The following MOG variants were observed in gnomAD, a reference collection of about 807,000 sequenced individuals.
MOG encodes myelin oligodendrocyte glycoprotein, also known as myelin-oligodendrocyte glycoprotein.
MOG carries 20 observed loss-of-function variants against 35.9 expected under a neutral mutation model. That is an observed-to-expected ratio of 0.56 (90% CI 0.39 to 0.81). The LOEUF is 0.81. MOG is among the 30% of genes least tolerant of loss of function. MOG has a pLI of 0.00. For synonymous variants in MOG, 92 were observed against 114.3 expected (o/e 0.80, Z 1.25); for missense variants, 251 against 301.0 (o/e 0.83, Z 1.23).
intron 7 of MOG, 146 bp from the exon 8 acceptor site, chr6:29,671,026 C>T: frequency 6.2e-7 from 1 of 1,611,950 alleles, no homozygotes; most frequent in East Asian, 2.2e-5. Flanking sequence ...TCCACAGCAA[C>T]TGCCCAGTGC....
At position 29,670,191 on chromosome 6, in the gene MOG, G is replaced by T; in HGVS notation, c.593-90G>T. The T allele has an allele frequency of 6.2e-7, 1 of 1,613,606 alleles. No individual in the cohort carries two copies. The highest frequency in any genetic ancestry group is 1.1e-5 in the South Asian group (1 of 91,064). ...GTCCCCAGAGTCCTTTGGTGTTCTA[G>T]GACCCCAGGTTAAGGAACCAAAAAA... is the stretch of plus-strand genomic sequence containing the variant. On this transcript the variant is annotated intron_variant, in intron 5 of 7. Transcript: ENST00000376917. The surrounding 1 kb of genome is among the most constrained non-coding windows in gnomAD (Gnocchi z 4.2).
At chr6:29,667,121 A>T (rs1228929616) in intron 3 of MOG, among the ~76,000 whole-genome samples, 1 of 152,192 alleles carries the variant, frequency 6.6e-6, no homozygotes, top group Non-Finnish European at 1.5e-5. Context: ...TCAGGTACTG[A>T]ACTCTATAGC....
In MOG at chr6:29,672,289, AAAATAAATAAATAAATAAATAAAT is replaced by A. The variant is rs200245124; in HGVS notation, c.*1128_*1151del. On this transcript the variant is annotated 3_prime_UTR_variant, in exon 8 of 8. Transcript: ENST00000376917. ...AGTGACAGAGTAAGACTCTGTCTCAAAAATAAATAAATAAATAAATAAATAAATAAATAAATAAATAAATAAAAA... is the reference window on the plus strand; with the variant it reads ...AGTGACAGAGTAAGACTCTGTCTCAAAAATAAATAAATAAATAAATAAAAA... 1.8e-4 allele frequency: 30 copies of A among 168,100 alleles called. No individual in the cohort carries two copies. The East Asian group carries it at 3.0e-3, about 17-fold the overall frequency. 10.4% of individuals were successfully genotyped at this position (168,100 alleles called of 1,614,324 possible).
In MOG at chr6:29,671,617, A is replaced by G; in HGVS notation, c.*432A>G. On this transcript the variant is annotated 3_prime_UTR_variant, in exon 8 of 8. Transcript: ENST00000376917. The stretch of plus-strand genomic sequence containing the variant: ...TCCAAGACTCCAGCCCTGATTGCGC[A>G]AAACTGAAAGGCATGTGAAGGGAAG... 1 of 666,938 alleles carries G rather than the reference A, an allele frequency of 1.5e-6. No homozygotes were observed. The highest frequency in any genetic ancestry group is 2.7e-6 in the Non-Finnish European group (1 of 371,646). The allele number at this position is 666,938 out of a possible 1,614,324, so 41.3% of individuals were successfully genotyped here. A position where few individuals can be genotyped will look rare whatever the true frequency, so the allele number is the denominator to read the frequency against.
chr6:29,669,540 C>T (rs138385174), intron 5 of MOG, among the ~76,000 whole-genome samples: 5,985 of 152,188 alleles, frequency 0.039, 144 homozygotes, highest in Middle Eastern at 0.092. Flanking sequence ...ATCTGCCTGC[C>T]TTGGCCTTCC....
At chr6:29,667,557 C>T in intron 3 of MOG, 86 bp from the exon 4 acceptor site, 1 of 1,405,636 alleles carries the variant, frequency 7.1e-7, no homozygotes, top group Non-Finnish European at 1.0e-6. Flanking sequence ...ATAGCCTGCA[C>T]AAGGGGCCCA....
intron 3 of MOG, 88 bp from the exon 4 acceptor site, chr6:29,667,555 C>CA (rs1352685795): frequency 7.3e-7 from 1 of 1,375,278 alleles, no homozygotes; most frequent in Non-Finnish European, 1.0e-6. Context: ...AAATAGCCTG[C>CA]ACAAGGGGCC....
At chr6:29,664,991 G>C (rs953714031) in intron 2 of MOG, among the ~76,000 whole-genome samples, 2 of 152,082 alleles carry the variant, frequency 1.3e-5, no homozygotes, top group African/African-American at 4.8e-5. Context: ...AAGAGTTAGG[G>C]TGACCCTATT....
chr6:29,665,050 T>G (rs149715839), intron 2 of MOG, among the ~76,000 whole-genome samples: 1,742 of 152,254 alleles, frequency 0.011, 19 homozygotes, highest in Admixed American at 0.022. Context: ...TAGTTTGAGA[T>G]TTCTGTGACT....
intron 2 of MOG, chr6:29,664,735 G>C (rs1237412596): frequency 2.5e-6 from 1 of 399,704 alleles, no homozygotes; most frequent in East Asian, 8.6e-5. Flanking sequence ...CTCTTGAATA[G>C]CTGAGACCAC....
chr6:29,670,731 C>G lies in MOG; in HGVS notation c.730+10C>G, dbSNP rs1470419720. 1 of 1,612,160 alleles carries G rather than the reference C, an allele frequency of 6.2e-7. No individual in the cohort carries two copies. Among genetic ancestry groups the G allele is most frequent in the Admixed American group, 1.7e-5 (1 of 59,868 alleles). On this transcript the variant is annotated intron_variant, in intron 7 of 7. Transcript: ENST00000376917. The surrounding 1 kb of genome is among the most constrained non-coding windows in gnomAD (Gnocchi z 4.2). ...TTCCTTGAAGAGCTACGTAAGTTCT[C>G]TTCTCTCTGTTATAAGCAGAGAATA...
chr6:29,668,175 T>C (rs1195365485), intron 5 of MOG, among the ~76,000 whole-genome samples: 3 of 152,260 alleles, frequency 2.0e-5, no homozygotes, highest in African/African-American at 7.2e-5. Context: ...GTTTAACTCC[T>C]TATGCACATG....
At chr6:29,661,507 C>T in intron 2 of MOG, 1 of 985,250 alleles carries the variant, frequency 1.0e-6, no homozygotes, top group African/African-American at 1.7e-5. Flanking sequence ...CAACAAACTC[C>T]CTCAGTTTCA....
chr6:29,662,350 G>A lies in MOG; in HGVS notation c.436+2684G>A, dbSNP rs1769002974. On this transcript the variant is annotated intron_variant, in intron 2 of 7. Transcript: ENST00000376917. The surrounding 1 kb of genome is among the most constrained non-coding windows in gnomAD (Gnocchi z 4.2). ...AAATACAAAATTAGCTAGGCGTGGT[G>A]GCACATGCCAGTAATCCCAGCTACT... The A allele has an allele frequency of 5.2e-6, 1 of 190,680 alleles. No individual in the cohort carries two copies. Among genetic ancestry groups the A allele is most frequent in the Non-Finnish European group, 9.7e-6 (1 of 103,432 alleles). 11.8% of individuals were successfully genotyped at this position (190,680 alleles called of 1,614,324 possible).
intron 2 of MOG, chr6:29,663,943 A>T (rs1183068945): frequency 9.3e-6 from 9 of 967,394 alleles, no homozygotes; most frequent in African/African-American, 1.8e-5. Context: ...ATGTATCCCT[A>T]CCTTTGATGT....
rs1229060348 is a variant in MOG at position 29,659,388 on chromosome 6, G to A, written c.158G>A (p.Cys53Tyr). The A allele has an allele frequency of 6.2e-7, 1 of 1,612,976 alleles. No homozygotes were observed. Among genetic ancestry groups the A allele is most frequent in the Non-Finnish European group, 8.5e-7 (1 of 1,179,986 alleles). The change falls in exon 2 of 8, where the codon TGT becomes TAT. Residue 53 changes from cysteine to tyrosine, a missense_variant. By Grantham distance (194) the Cys-to-Tyr change is radical (BLOSUM62 -2). Coordinates refer to ENST00000376917, the MANE Select transcript of MOG (RefSeq NM_206809.4). Reference protein sequence around the residue: ...ALVGDEVELPCRISPGKNATG... With the variant: ...ALVGDEVELPYRISPGKNATG... Reference sequence around the variant, plus strand: ...GTCGGGGATGAAGTGGAATTGCCATGTCGCATATCTCCTGGGAAGAACGCT... The same window carrying A: ...GTCGGGGATGAAGTGGAATTGCCATATCGCATATCTCCTGGGAAGAACGCT...
At chr6:29,660,655 G>A (rs1004294873) in intron 2 of MOG, among the ~76,000 whole-genome samples, 1 of 149,712 alleles carries the variant, frequency 6.7e-6, no homozygotes, top group Non-Finnish European at 1.5e-5. Flanking sequence ...GAAAGGAGAT[G>A]TCACTTTTTG....
At chr6:29,667,759 C>T in intron 4 of MOG, 96 bp downstream of exon 4, 1 of 1,543,578 alleles carries the variant, frequency 6.5e-7, no homozygotes, top group South Asian at 1.1e-5. Flanking sequence ...CCTCTCAATA[C>T]CCTGTTTTCC....
At chr6:29,666,888 T>C (rs1192329777) in intron 3 of MOG, among the ~76,000 whole-genome samples, 1 of 152,146 alleles carries the variant, frequency 6.6e-6, no homozygotes, top group Admixed American at 6.6e-5. Flanking sequence ...CCACCTCCCA[T>C]TTGTTACTAA....
Sources: allele counts gnomAD v4.1 joint callset (sites outside exome capture counted in the v4.1 genomes callset), GRCh38; gene constraint gnomAD v4.1.1; non-coding constraint Gnocchi (gnomAD v3.1); transcripts MANE v1.5; gene names NCBI Gene and HGNC (gene_info 2026-07-23, HGNC 2026-07-21).